The following ATRNL1 variants were observed in gnomAD, a reference collection of about 807,000 sequenced individuals.
The protein encoded by ATRNL1 is attractin like 1.
Under a neutral mutation model 182.7 loss-of-function variants are expected in ATRNL1, and 95 were observed. That is an observed-to-expected ratio of 0.52 (90% confidence interval 0.44 to 0.62). The LOEUF is 0.62. ATRNL1 is among the 20% of genes least tolerant of loss of function. The pLI is 0.00. For synonymous variants in ATRNL1, 576 were observed against 568.3 expected, an observed-to-expected ratio of 1.01 and a Z score of -0.19; for missense variants, 1,471 against 1,679.5, an observed-to-expected ratio of 0.88 and a Z score of 2.17.
chr10:115,205,884 A>G (rs1264505919), intron 8 of ATRNL1, among the ~76,000 whole-genome samples: 1 of 152,084 alleles, frequency 6.6e-6, no homozygotes, highest in Non-Finnish European at 1.5e-5. Flanking sequence ...AGAGAAGAAC[A>G]GTGTATTGCA....
intron 1 of ATRNL1, among the ~76,000 whole-genome samples, chr10:115,098,437 G>A (rs1186706582): frequency 2.9e-5 from 4 of 139,476 alleles, no homozygotes; most frequent in African/African-American, 1.1e-4. Context: ...TCTAATCTTA[G>A]CTTAAATACT....
rs186091185 is a variant in ATRNL1, at chr10:115,682,967, G to A, written c.3796-44281G>A. Among the ~76,000 whole-genome samples the A allele has an allele frequency of 4.2e-3, 643 of 152,164 alleles. 2 individuals carry two copies. The highest frequency in any genetic ancestry group is 9.7e-3 in the African/African-American group (403 of 41,554). On this transcript the variant is annotated intron_variant, in intron 26 of 28. Transcript: ENST00000355044. ...AGCTATGTAACTTTAAGCAAGTTACGTATTCTCTCAGAGAGTCGAGTTCAT... is the reference window on the plus strand; with the variant it reads ...AGCTATGTAACTTTAAGCAAGTTACATATTCTCTCAGAGAGTCGAGTTCAT...
chr10:115,433,638 A>G (rs1846265509), intron 21 of ATRNL1, among the ~76,000 whole-genome samples: 1 of 152,086 alleles, frequency 6.6e-6, no homozygotes, highest in Admixed American at 6.6e-5. Flanking sequence ...GTATCCCTGT[A>G]CTTTTAGATT....
At chr10:115,258,083 G>A (rs1554907559) in intron 10 of ATRNL1, among the ~76,000 whole-genome samples, 1 of 152,112 alleles carries the variant, frequency 6.6e-6, no homozygotes, top group African/African-American at 2.4e-5. Flanking sequence ...ACAATTATGT[G>A]TCTTGGGGTT....
chr10:115,297,671 G>C (rs1184646436), intron 15 of ATRNL1, among the ~76,000 whole-genome samples: 4 of 145,886 alleles, frequency 2.7e-5, no homozygotes, highest in Non-Finnish European at 1.5e-5. Context: ...AAAAAAAAAA[G>C]GGACAATTAC....
chr10:115,515,186 T>C (rs1277904481), intron 24 of ATRNL1, among the ~76,000 whole-genome samples: 1 of 151,884 alleles, frequency 6.6e-6, no homozygotes, highest in Non-Finnish European at 1.5e-5. Flanking sequence ...TTCCTATTGA[T>C]TCCCTCTTTT....
At chr10:115,667,836 T>A (rs1861091253) in intron 26 of ATRNL1, among the ~76,000 whole-genome samples, 1 of 151,988 alleles carries the variant, frequency 6.6e-6, no homozygotes. Flanking sequence ...TTTTAATTAC[T>A]ATTTTTTTAG....
chr10:115,626,472 A>G (rs1387285645), intron 26 of ATRNL1, among the ~76,000 whole-genome samples: 1 of 152,148 alleles, frequency 6.6e-6, no homozygotes, highest in Admixed American at 6.5e-5. Flanking sequence ...TAATGTTTCA[A>G]TATGTTCTGG....
At chr10:115,123,525 C>T (rs914821151) in intron 3 of ATRNL1, among the ~76,000 whole-genome samples, 7 of 152,170 alleles carry the variant, frequency 4.6e-5, no homozygotes, top group Non-Finnish European at 7.4e-5. Flanking sequence ...ATTACAGAGA[C>T]TGTGTCACAG....
intron 26 of ATRNL1, among the ~76,000 whole-genome samples, chr10:115,634,159 A>C (rs1199599793): frequency 6.6e-6 from 1 of 152,154 alleles, no homozygotes; most frequent in Non-Finnish European, 1.5e-5. Flanking sequence ...AGTTTTATTC[A>C]CTAAAACACC....
intron 9 of ATRNL1, among the ~76,000 whole-genome samples, chr10:115,219,452 T>A (rs1472257252): frequency 6.6e-6 from 1 of 152,118 alleles, no homozygotes; most frequent in African/African-American, 2.4e-5. Context: ...AGAAGCAACC[T>A]CTTTGACCCA....
chr10:115,706,512 T>C (rs1468380909), intron 26 of ATRNL1, among the ~76,000 whole-genome samples: 1 of 151,880 alleles, frequency 6.6e-6, no homozygotes, highest in Non-Finnish European at 1.5e-5. Context: ...CCACAGCTAC[T>C]ATCTGACCAA....
At chr10:115,858,901 T>G (rs1191877535) in intron 28 of ATRNL1, among the ~76,000 whole-genome samples, 1 of 152,126 alleles carries the variant, frequency 6.6e-6, no homozygotes. Flanking sequence ...AATAAAATAT[T>G]AGAGTCTCGG....
intron 28 of ATRNL1, among the ~76,000 whole-genome samples, chr10:115,889,934 C>T (rs1952039222): frequency 6.6e-6 from 1 of 152,032 alleles, no homozygotes; most frequent in African/African-American, 2.4e-5. Context: ...ATTCTAAAGC[C>T]AGGGTGATGA....
At chr10:115,211,675 A>G (rs544565646) in intron 8 of ATRNL1, among the ~76,000 whole-genome samples, 1 of 151,596 alleles carries the variant, frequency 6.6e-6, no homozygotes, top group African/African-American at 2.4e-5. Flanking sequence ...GGTTTGTTAC[A>G]TATGTATACA....
At chr10:115,771,389 C>A (rs1171415762) in intron 27 of ATRNL1, among the ~76,000 whole-genome samples, 1 of 152,090 alleles carries the variant, frequency 6.6e-6, no homozygotes, top group Non-Finnish European at 1.5e-5. Context: ...CGCCACCACA[C>A]CTGGCTAATT....
At chr10:115,864,208 G>C (rs1555104128) in intron 28 of ATRNL1, among the ~76,000 whole-genome samples, 1 of 151,368 alleles carries the variant, frequency 6.6e-6, no homozygotes, top group East Asian at 1.9e-4. Context: ...GCAGTAAGCT[G>C]AGATTGCACC....
At chr10:115,141,469 C>T (rs1202577001) in intron 5 of ATRNL1, among the ~76,000 whole-genome samples, 1 of 151,964 alleles carries the variant, frequency 6.6e-6, no homozygotes, top group Non-Finnish European at 1.5e-5. Context: ...GTATTGACTA[C>T]CAGAAAACTC....
intron 20 of ATRNL1, among the ~76,000 whole-genome samples, chr10:115,409,932 G>A (rs1565011630): frequency 6.6e-6 from 1 of 152,002 alleles, no homozygotes; most frequent in African/African-American, 2.4e-5. Context: ...TTTTTATCAT[G>A]GAGAGATGTT....
Sources: gnomAD v4.1 joint callset for allele counts (sites outside exome capture counted in the v4.1 genomes callset) on GRCh38, gnomAD v4.1.1 for gene constraint, MANE v1.5 for transcripts, NCBI Gene and HGNC (gene_info 2026-07-23, HGNC 2026-07-21) for gene names.